The following RGS6 variants were observed in gnomAD, a reference collection of about 807,000 sequenced individuals.
The protein encoded by RGS6 is regulator of G protein signaling 6, also known as regulator of G-protein signaling 6.
A neutral mutation model predicts 78.5 loss-of-function variants in RGS6; 30 were observed. That is an observed-to-expected ratio of 0.38 (90% CI 0.29 to 0.52). RGS6 has a LOEUF of 0.52. Ranked by LOEUF, RGS6 falls within the 20% of genes least tolerant of loss-of-function variation. The pLI is 0.85. For missense variants in RGS6, 495 were observed against 609.7 expected (o/e 0.81, Z 1.98); for synonymous variants, 206 against 206.0 (o/e 1.00, Z 0.00).
intron 7 of RGS6, among the ~76,000 whole-genome samples, chr14:72,468,491 A>T (rs571223632): frequency 1.3e-5 from 2 of 152,312 alleles, no homozygotes; most frequent in East Asian, 3.9e-4. Flanking sequence ...TTTTTTATGA[A>T]TTTTCTGATT....
intron 2 of RGS6, among the ~76,000 whole-genome samples, chr14:72,243,982 C>T (rs1360473507): frequency 1.3e-5 from 2 of 152,104 alleles, no homozygotes; most frequent in African/African-American, 2.4e-5. Flanking sequence ...TTTTTGTTGG[C>T]CTGGATCAGT....
At chr14:72,014,281 C>T (rs777319264) in intron 2 of RGS6, among the ~76,000 whole-genome samples, 1 of 152,210 alleles carries the variant, frequency 6.6e-6, no homozygotes, top group Non-Finnish European at 1.5e-5. Flanking sequence ...GTCAGACACA[C>T]AGTCTAAATG....
At chr14:72,470,737 G>A (rs2096055876) in intron 8 of RGS6, among the ~76,000 whole-genome samples, 1 of 151,938 alleles carries the variant, frequency 6.6e-6, no homozygotes, top group Non-Finnish European at 1.5e-5. Flanking sequence ...AAATTAGCTG[G>A]GCATAGTGGT....
intron 2 of RGS6, among the ~76,000 whole-genome samples, chr14:72,069,940 T>C (rs2094341468): frequency 6.6e-6 from 1 of 152,224 alleles, no homozygotes; most frequent in Non-Finnish European, 1.5e-5. Context: ...TTTTAGACCT[T>C]CTACTTGGAA....
chr14:72,136,207 T>C (rs757709508), intron 2 of RGS6, among the ~76,000 whole-genome samples: 10 of 152,132 alleles, frequency 6.6e-5, no homozygotes, highest in Admixed American at 1.3e-4. Flanking sequence ...AGGTCTAATT[T>C]ACACTCCCAC....
intron 2 of RGS6, among the ~76,000 whole-genome samples, chr14:72,298,147 G>A (rs1489554730): frequency 6.6e-6 from 1 of 151,880 alleles, no homozygotes; most frequent in Non-Finnish European, 1.5e-5. Context: ...TTATAGTGAG[G>A]GAAGTTTTTT....
At chr14:72,462,707 A>C (rs563329804) in intron 6 of RGS6, among the ~76,000 whole-genome samples, 2 of 152,310 alleles carry the variant, frequency 1.3e-5, no homozygotes, top group Admixed American at 1.3e-4. Context: ...GTCATAGAGG[A>C]AACTCTGCAC....
intron 3 of RGS6, among the ~76,000 whole-genome samples, chr14:72,391,634 A>G (rs2090013393): frequency 6.6e-6 from 1 of 152,242 alleles, no homozygotes; most frequent in South Asian, 2.1e-4. Flanking sequence ...GTTCTAGGGT[A>G]CACATGCACA....
At chr14:72,299,884 G>A (rs565001196) in intron 2 of RGS6, among the ~76,000 whole-genome samples, 68 of 151,840 alleles carry the variant, frequency 4.5e-4, no homozygotes, top group Non-Finnish European at 7.2e-4. Context: ...CATTTCTCTC[G>A]TTTTTTTCTT....
chr14:72,164,418 A>G (rs747878492), intron 2 of RGS6, among the ~76,000 whole-genome samples: 3 of 152,162 alleles, frequency 2.0e-5, no homozygotes, highest in Non-Finnish European at 4.4e-5. Flanking sequence ...CTGGCCAGCC[A>G]TGAGGTCGGG....
the RGS6 span, among the ~76,000 whole-genome samples, chr14:72,610,356 T>C: frequency 6.6e-6 from 1 of 152,062 alleles, no homozygotes; most frequent in African/African-American, 2.4e-5. Context: ...CTTCCTACCA[T>C]AGGAGCCACC....
the RGS6 span, among the ~76,000 whole-genome samples, chr14:71,916,618 G>A: frequency 6.6e-6 from 1 of 152,046 alleles, no homozygotes; most frequent in Non-Finnish European, 1.5e-5. Flanking sequence ...TTCTCCAGAC[G>A]CCGAGCCCGA....
At chr14:72,276,831 C>G (rs987212223) in intron 2 of RGS6, among the ~76,000 whole-genome samples, 1 of 151,394 alleles carries the variant, frequency 6.6e-6, no homozygotes, top group African/African-American at 2.4e-5. Flanking sequence ...TCAGATATGT[C>G]TTTATTAGCA....
chr14:71,956,357 G>GTGTGTGTGTATA (rs1555400488), intron 1 of RGS6, among the ~76,000 whole-genome samples: 7 of 150,484 alleles, frequency 4.7e-5, no homozygotes, highest in African/African-American at 9.8e-5. Flanking sequence ...GTGTGTGTGT[G>GTGTGTGTGTATA]TATATTCTAT....
intron 12 of RGS6, among the ~76,000 whole-genome samples, chr14:72,491,094 A>G (rs571553227): frequency 6.6e-6 from 1 of 152,152 alleles, no homozygotes; most frequent in Non-Finnish European, 1.5e-5. Flanking sequence ...ATTGGCCATT[A>G]TTGCCCTTTG....
intron 1 of RGS6, among the ~76,000 whole-genome samples, chr14:71,962,664 ATAT>A (rs2093285278): frequency 6.6e-6 from 1 of 152,236 alleles, no homozygotes; most frequent in Non-Finnish European, 1.5e-5. Flanking sequence ...TATAGAGATA[ATAT>A]TATAGAATGA....
intron 2 of RGS6, among the ~76,000 whole-genome samples, chr14:72,080,091 C>T (rs958224421): frequency 5.9e-5 from 9 of 152,126 alleles, no homozygotes; most frequent in African/African-American, 2.2e-4. Flanking sequence ...TTCTGTTTCT[C>T]ATTTTTTGAA....
At chr14:71,915,173 G>A in the RGS6 span, among the ~76,000 whole-genome samples, 2 of 151,720 alleles carry the variant, frequency 1.3e-5, no homozygotes, top group African/African-American at 4.8e-5. Flanking sequence ...CAGGAGAATC[G>A]CTTGAACCGG....
At chr14:72,591,266 T>C in the RGS6 span, among the ~76,000 whole-genome samples, 1 of 152,196 alleles carries the variant, frequency 6.6e-6, no homozygotes, top group South Asian at 2.1e-4. Context: ...TGAAATGAAG[T>C]GAAGGAAACA....
Sources: gnomAD v4.1 joint callset for allele counts (sites outside exome capture counted in the v4.1 genomes callset) on GRCh38, gnomAD v4.1.1 for gene constraint, MANE v1.5 for transcripts, NCBI Gene and HGNC (gene_info 2026-07-23, HGNC 2026-07-21) for gene names.